The following MET variants were observed in gnomAD, a reference collection of about 807,000 sequenced individuals.
The protein encoded by MET is hepatocyte growth factor receptor.
Under a neutral mutation model 133.1 loss-of-function variants are expected in MET, and 48 were observed. That is an observed-to-expected ratio of 0.36 (90% CI 0.29 to 0.46). The LOEUF (loss-of-function observed/expected upper bound fraction) is 0.46. Ranked by LOEUF, MET falls within the 20% of genes least tolerant of loss-of-function variation. MET has a pLI of 1.00. For synonymous variants in MET, 628 were observed against 616.5 expected (o/e 1.02, Z -0.28); for missense variants, 1,442 against 1,695.9 (o/e 0.85, Z 2.63).
In MET at chr7:116,777,479, A is replaced by G; in HGVS notation, c.3340+10A>G. 1 of 1,613,076 alleles carries G rather than the reference A, an allele frequency of 6.2e-7. No individual in the cohort carries two copies. Among genetic ancestry groups the G allele is most frequent in the Non-Finnish European group, 8.5e-7 (1 of 1,179,170 alleles). ...GTGAAATCCTTGAACAGTAAGTGGCATTTTATTTAACCATGGAGTATACTT... is the reference window on the plus strand; with the variant it reads ...GTGAAATCCTTGAACAGTAAGTGGCGTTTTATTTAACCATGGAGTATACTT... On this transcript the variant is annotated intron_variant, in intron 16 of 20. Transcript: ENST00000397752.
chr7:116,712,183 T>G (rs1792026826), intron 2 of MET, among the ~76,000 whole-genome samples: 2 of 152,170 alleles, frequency 1.3e-5, no homozygotes, highest in Non-Finnish European at 2.9e-5. Flanking sequence ...CCTTTAACAC[T>G]CATTTTGTCA....
chr7:116,745,478 A>G (rs1055238997), intron 5 of MET, among the ~76,000 whole-genome samples: 18 of 152,196 alleles, frequency 1.2e-4, no homozygotes, highest in Middle Eastern at 3.2e-3. Flanking sequence ...TCAAGTCAAT[A>G]CTAAGCCAAA....
chr7:116,729,369 G>A (rs1792907466), intron 2 of MET, among the ~76,000 whole-genome samples: 1 of 152,120 alleles, frequency 6.6e-6, no homozygotes, highest in South Asian at 2.1e-4. Flanking sequence ...ATAAAATAGA[G>A]CATTTTAGGT....
intron 10 of MET, among the ~76,000 whole-genome samples, chr7:116,761,987 T>C (rs998496104): frequency 3.9e-5 from 6 of 152,222 alleles, no homozygotes; most frequent in African/African-American, 1.2e-4. Context: ...TAAGGGATGT[T>C]GTTGCTTGTT....
intron 2 of MET, among the ~76,000 whole-genome samples, chr7:116,715,704 C>G (rs948456455): frequency 6.6e-6 from 1 of 152,124 alleles, no homozygotes; most frequent in African/African-American, 2.4e-5. Context: ...ATGTGTTTTC[C>G]CACTTTACAA....
intron 2 of MET, among the ~76,000 whole-genome samples, chr7:116,704,605 T>C (rs1273997256): frequency 6.6e-6 from 1 of 151,858 alleles, no homozygotes; most frequent in African/African-American, 2.4e-5. Flanking sequence ...CCTACCTCCA[T>C]AATGGTTAAT....
rs184599757 is a variant in MET at position 116,673,170 on chromosome 7, G to A, written c.-15+593G>A. Among the ~76,000 whole-genome samples, 171 of 152,278 alleles carry A rather than the reference G, an allele frequency of 1.1e-3. 1 individual carries two copies. Among genetic ancestry groups the A allele is most frequent in the Non-Finnish European group, 1.7e-3 (113 of 68,020 alleles). Reference sequence around the variant, plus strand: ...CAGAGGCTGAGCGATGTGGCCAGTCGTAGTGCTGACCCGATAATTAAAGCA... The same window carrying A: ...CAGAGGCTGAGCGATGTGGCCAGTCATAGTGCTGACCCGATAATTAAAGCA... On this transcript the variant is annotated intron_variant, in intron 1 of 20. Coordinates refer to ENST00000397752, the MANE Select transcript of MET (RefSeq NM_000245.4).
chr7:116,735,006 T>G (rs564561731), intron 3 of MET, among the ~76,000 whole-genome samples: 2 of 152,286 alleles, frequency 1.3e-5, no homozygotes, highest in South Asian at 4.1e-4. Context: ...AAAATATTTG[T>G]GCATGACTGT....
intron 1 of MET, among the ~76,000 whole-genome samples, chr7:116,683,238 G>A (rs889864266): frequency 6.6e-6 from 1 of 152,080 alleles, no homozygotes; most frequent in African/African-American, 2.4e-5. Context: ...AGACCCCAAT[G>A]TCTGTTGTTC....
At chr7:116,738,117 G>T in intron 3 of MET, among the ~76,000 whole-genome samples, 1 of 152,222 alleles carries the variant, frequency 6.6e-6, no homozygotes, top group South Asian at 2.1e-4. Flanking sequence ...AGACAGACTG[G>T]TGTTCTGTGT....
chr7:116,706,991 C>T (rs1407695373), intron 2 of MET, among the ~76,000 whole-genome samples: 1 of 150,496 alleles, frequency 6.6e-6, no homozygotes, highest in Admixed American at 6.7e-5. Context: ...CTAAAATGTT[C>T]CAGGCAGGTT....
At chr7:116,674,558 A>C (rs1184920952) in intron 1 of MET, among the ~76,000 whole-genome samples, 1 of 152,228 alleles carries the variant, frequency 6.6e-6, no homozygotes, top group African/African-American at 2.4e-5. Flanking sequence ...TAATAGTCTC[A>C]AATTAACTTT....
intron 2 of MET, among the ~76,000 whole-genome samples, chr7:116,716,334 AG>A (rs1792204239): frequency 7.5e-6 from 1 of 133,952 alleles, no homozygotes; most frequent in Non-Finnish European, 1.6e-5. Context: ...AGAGAGAGAG[AG>A]AGAAAAGAAA....
chr7:116,755,040 G>GAAAGAAAGAAAGAAAGAAAGAAAGA, intron 5 of MET, among the ~76,000 whole-genome samples: 1 of 39,400 alleles, frequency 2.5e-5, no homozygotes, highest in East Asian at 8.7e-4. Flanking sequence ...AAGAAAGAAA[G>GAAAGAAAGAAAGAAAGAAAGAAAGA]AAAAGAAAGA....
chr7:116,758,771 A>G (rs1794285633), intron 9 of MET, 151 bp downstream of exon 9: 1 of 744,812 alleles, frequency 1.3e-6, no homozygotes, highest in Admixed American at 2.5e-5. Flanking sequence ...AGAGAAAACT[A>G]TATTCAGGTT....
chr7:116,765,807 G>A (rs1340719967), intron 11 of MET, among the ~76,000 whole-genome samples: 1 of 152,144 alleles, frequency 6.6e-6, no homozygotes, highest in Non-Finnish European at 1.5e-5. Context: ...GAGGTTGGGA[G>A]GTCAGTGATG....
intron 19 of MET, among the ~76,000 whole-genome samples, chr7:116,787,409 G>A (rs1003435890): frequency 1.3e-5 from 2 of 152,166 alleles, no homozygotes; most frequent in Non-Finnish European, 2.9e-5. Context: ...GATTTATAAT[G>A]AACAGAAATG....
intron 3 of MET, among the ~76,000 whole-genome samples, chr7:116,733,483 T>C (rs1793099668): frequency 6.6e-6 from 1 of 152,192 alleles, no homozygotes; most frequent in Admixed American, 6.5e-5. Flanking sequence ...AAAGTTGTAA[T>C]ACAATTCCTT....
intron 3 of MET, 106 bp downstream of exon 3, chr7:116,731,965 CATA>C (rs1414055722): frequency 9.0e-7 from 1 of 1,113,652 alleles, no homozygotes; most frequent in African/African-American, 1.5e-5. Flanking sequence ...AAGTCCAAAT[CATA>C]GTAGAAACTG....
Sources: gnomAD v4.1 joint callset for allele counts (sites outside exome capture counted in the v4.1 genomes callset) on GRCh38, gnomAD v4.1.1 for gene constraint, MANE v1.5 for transcripts, NCBI Gene and HGNC (gene_info 2026-07-23, HGNC 2026-07-21) for gene names.